COL23A1: variants seen among roughly 807,000 people sequenced by gnomAD.
COL23A1 encodes the protein collagen alpha-1(XXIII) chain.
Under a neutral mutation model 99.3 loss-of-function variants are expected in COL23A1, and 97 were observed. That is an observed-to-expected ratio of 0.98 (90% CI 0.83 to 1.16). The LOEUF (loss-of-function observed/expected upper bound fraction) is 1.16. Among genes scored for constraint, COL23A1 ranks in the 50% most tolerant of loss-of-function variants. The probability of loss-of-function intolerance (pLI) is 0.00; values close to 1 mark genes in which losing one functional copy is unlikely to be tolerated. For synonymous variants in COL23A1, 320 were observed against 308.2 expected (o/e 1.04, Z -0.40); for missense variants, 762 against 757.4 (o/e 1.01, Z -0.07).
At chr5:178,376,450 G>A (rs1237255038) in intron 2 of COL23A1, among the ~76,000 whole-genome samples, 1 of 152,234 alleles carries the variant, frequency 6.6e-6, no homozygotes, top group Non-Finnish European at 1.5e-5. Context: ...AGTTGGGTGT[G>A]AGGCCCCCCA....
At chr5:178,496,042 C>T (rs950828032) in intron 2 of COL23A1, among the ~76,000 whole-genome samples, 5 of 152,148 alleles carry the variant, frequency 3.3e-5, no homozygotes, top group Admixed American at 2.0e-4. Context: ...CTTCATTTCA[C>T]CCCTTTGGTC....
At chr5:178,323,876 GA>G (rs1759487484) in intron 2 of COL23A1, among the ~76,000 whole-genome samples, 1 of 152,208 alleles carries the variant, frequency 6.6e-6, no homozygotes, top group Admixed American at 6.5e-5. Flanking sequence ...TGAAGCAAAA[GA>G]GGCTCACAGA....
chr5:178,267,212 C>T (rs1027762594), intron 8 of COL23A1, 95 bp downstream of exon 8: 16 of 1,346,434 alleles, frequency 1.2e-5, no homozygotes, highest in Admixed American at 3.5e-5. Context: ...TGATGAGCTG[C>T]GGGGAGCTGG....
chr5:178,545,358 A>G (rs948211967), intron 2 of COL23A1, among the ~76,000 whole-genome samples: 7 of 152,212 alleles, frequency 4.6e-5, no homozygotes, highest in African/African-American at 1.7e-4. Context: ...ACATGACCGG[A>G]CAACAGGCCA....
intron 5 of COL23A1, among the ~76,000 whole-genome samples, chr5:178,282,702 C>T (rs564734416): frequency 3.9e-5 from 6 of 152,248 alleles, no homozygotes; most frequent in Admixed American, 2.0e-4. Context: ...TGCATGAGTG[C>T]GCACCCAGCA....
rs1053005590 is a variant in COL23A1, at chr5:178,238,245, T to C, written c.*453A>G. ...CAGAGGCAGCTGGTTGTGGTTGAGTTTGGAGGCTGATGAGGCCAGGAGCAA... is the reference window on the plus strand; with the variant it reads ...CAGAGGCAGCTGGTTGTGGTTGAGTCTGGAGGCTGATGAGGCCAGGAGCAA... On this transcript the variant is annotated 3_prime_UTR_variant, in exon 29 of 29. Coordinates refer to ENST00000390654, the MANE Select transcript of COL23A1 (RefSeq NM_173465.4). The C allele has an allele frequency of 6.4e-6, 1 of 156,518 alleles. No homozygotes were observed. Among genetic ancestry groups the C allele is most frequent in the Non-Finnish European group, 1.4e-5 (1 of 70,330 alleles). 9.7% of individuals were successfully genotyped at this position (156,518 alleles called of 1,614,324 possible). A position where few individuals can be genotyped will look rare whatever the true frequency, so the allele number is the denominator to read the frequency against.
At position 178,415,876 on chromosome 5, in the gene COL23A1, G is replaced by C. The variant is rs1164713384; in HGVS notation, c.362-108957C>G. Among the ~76,000 whole-genome samples, 1 of 152,164 alleles carries C rather than the reference G, an allele frequency of 6.6e-6. No homozygotes were observed. Among genetic ancestry groups the C allele is most frequent in the African/African-American group, 2.4e-5 (1 of 41,424 alleles). ...ATAAGGGAGAGGAGGTACTGGGTGA[G>C]GCCAGGGAGGGCTTCCGAGGGAGGT... On this transcript the variant is annotated intron_variant, in intron 2 of 28. Coordinates refer to ENST00000390654, the MANE Select transcript of COL23A1 (RefSeq NM_173465.4). This position sits in a 1 kb window ranked among gnomAD's most constrained non-coding sequence, Gnocchi z 4.6.
At chr5:178,378,702 G>A (rs1763213977) in intron 2 of COL23A1, among the ~76,000 whole-genome samples, 1 of 152,208 alleles carries the variant, frequency 6.6e-6, no homozygotes, top group Non-Finnish European at 1.5e-5. Context: ...GAGTGCCCAG[G>A]GAGGTTTGGT....
rs73346817 is a variant in COL23A1, at chr5:178,337,552, G to A, written c.362-30633C>T. On this transcript the variant is annotated intron_variant, in intron 2 of 28. Transcript: ENST00000390654. ...ACAGAGAGACGGAGTGGGGTGCAGG[G>A]TTATGGAGAGCATCCTTCCAGGGCC... is the stretch of plus-strand genomic sequence containing the variant. 8.6e-3 allele frequency among the ~76,000 whole-genome samples: 1,307 copies of A among 152,278 alleles called. 20 individuals are homozygous for A. The highest frequency in any genetic ancestry group is 0.03 in the African/African-American group (1,243 of 41,556).
At chr5:178,494,027 G>A (rs1298265349) in intron 2 of COL23A1, among the ~76,000 whole-genome samples, 1 of 152,222 alleles carries the variant, frequency 6.6e-6, no homozygotes, top group East Asian at 1.9e-4. Flanking sequence ...CCTCTCTCCT[G>A]TATGTGGGAA....
chr5:178,389,375 C>T (rs150141709), intron 2 of COL23A1, among the ~76,000 whole-genome samples: 94 of 152,296 alleles, frequency 6.2e-4, no homozygotes, highest in African/African-American at 2.2e-3. Context: ...CAGAGACTCA[C>T]AGCACACAGC....
At position 178,307,316 on chromosome 5, in the gene COL23A1, T is replaced by A. The variant is rs2913765; in HGVS notation, c.362-397A>T. ...AGGGTGGGTTATCTTAGGAAAGCCC[T>A]GACAAACGCTGCTTCATATTCACTA... On this transcript the variant is annotated intron_variant, in intron 2 of 28. Transcript: ENST00000390654. This position sits in a 1 kb window ranked among gnomAD's most constrained non-coding sequence, Gnocchi z 4.2. Among the ~76,000 whole-genome samples the A allele has an allele frequency of 6.6e-5, 10 of 151,792 alleles. No individual in the cohort carries two copies. The highest frequency in any genetic ancestry group is 1.5e-4 in the Non-Finnish European group (10 of 67,918).
chr5:178,413,643 CAAGAGAGAAG>C (rs1765159368), intron 2 of COL23A1, among the ~76,000 whole-genome samples: 1 of 152,138 alleles, frequency 6.6e-6, no homozygotes, highest in African/African-American at 2.4e-5. Context: ...ATGACAGTTA[CAAGAGAGAAG>C]TTCCAGATGA....
At chr5:178,442,006 G>A (rs1453946420) in intron 2 of COL23A1, among the ~76,000 whole-genome samples, 1 of 152,044 alleles carries the variant, frequency 6.6e-6, no homozygotes, top group East Asian at 1.9e-4. Flanking sequence ...CATCTGTTTG[G>A]CCAAGGCTTT....
At chr5:178,503,466 A>C (rs1306238898) in intron 2 of COL23A1, among the ~76,000 whole-genome samples, 3 of 152,250 alleles carry the variant, frequency 2.0e-5, no homozygotes, top group Non-Finnish European at 4.4e-5. Context: ...AGAAAATGCT[A>C]CAAAACGGCA....
chr5:178,491,591 C>A (rs1230465042), intron 2 of COL23A1, among the ~76,000 whole-genome samples: 2 of 152,116 alleles, frequency 1.3e-5, no homozygotes, highest in African/African-American at 4.8e-5. Context: ...TGGGTCATAA[C>A]AGGGTGTGGC....
At chr5:178,440,723 C>A (rs1033752137) in intron 2 of COL23A1, among the ~76,000 whole-genome samples, 3 of 150,902 alleles carry the variant, frequency 2.0e-5, no homozygotes, top group African/African-American at 7.3e-5. Context: ...TCAAGCGATT[C>A]TCTTGCCTCA....
chr5:178,362,105 G>A (rs1428491283), intron 2 of COL23A1, among the ~76,000 whole-genome samples: 1 of 152,244 alleles, frequency 6.6e-6, no homozygotes, highest in Non-Finnish European at 1.5e-5. Flanking sequence ...AACTTTTAGC[G>A]GACGTCGCTG....
At chr5:178,516,272 C>T (rs777239998) in intron 2 of COL23A1, among the ~76,000 whole-genome samples, 10 of 152,244 alleles carry the variant, frequency 6.6e-5, no homozygotes, top group East Asian at 1.9e-4. Flanking sequence ...CCAGCTCCTG[C>T]GTCTCTGGTA....
Sources: allele counts gnomAD v4.1 joint callset (sites outside exome capture counted in the v4.1 genomes callset), GRCh38; gene constraint gnomAD v4.1.1; non-coding constraint Gnocchi (gnomAD v3.1); transcripts MANE v1.5; gene names NCBI Gene and HGNC (gene_info 2026-07-23, HGNC 2026-07-21).